The following MTHFD1L variants were observed in gnomAD, a reference collection of about 807,000 sequenced individuals.
MTHFD1L encodes monofunctional C1-tetrahydrofolate synthase, mitochondrial.
Under a neutral mutation model 119.5 loss-of-function variants are expected in MTHFD1L, and 81 were observed. The ratio of observed to expected loss-of-function variants is 0.68; its 90% CI spans 0.57 to 0.82. The LOEUF is 0.82. Ranked by LOEUF, MTHFD1L falls within the 40% of genes least tolerant of loss-of-function variation. The pLI, the probability that MTHFD1L is intolerant of heterozygous loss-of-function variation, is 0.00. For synonymous variants in MTHFD1L, 430 were observed against 475.2 expected, an observed-to-expected ratio of 0.90 and a Z score of 1.24; for missense variants, 1,125 against 1,253.4, an observed-to-expected ratio of 0.90 and a Z score of 1.55.
intron 12 of MTHFD1L, among the ~76,000 whole-genome samples, chr6:150,937,222 C>G (rs1302108599): frequency 1.3e-5 from 2 of 152,142 alleles, no homozygotes; most frequent in Non-Finnish European, 2.9e-5. Context: ...TTCATCAGGG[C>G]CTTCTTTGCC....
At chr6:150,896,414 G>A (rs1784222656) in intron 7 of MTHFD1L, among the ~76,000 whole-genome samples, 1 of 152,154 alleles carries the variant, frequency 6.6e-6, no homozygotes, top group African/African-American at 2.4e-5. Context: ...GGCAGGGATG[G>A]ACACACAAGA....
At chr6:150,944,697 G>A (rs2128957663) in intron 14 of MTHFD1L, 104 bp downstream of exon 14, 1 of 791,202 alleles carries the variant, frequency 1.3e-6, no homozygotes, top group East Asian at 2.7e-5. Context: ...ACTCTGAAAT[G>A]TTATTCAATT....
At chr6:151,048,762 T>C (rs1788506611) in intron 26 of MTHFD1L, among the ~76,000 whole-genome samples, 3 of 152,236 alleles carry the variant, frequency 2.0e-5, no homozygotes, top group South Asian at 2.1e-4. Flanking sequence ...TGCTTAGATA[T>C]GGACCTACGG....
rs1287410355 is a variant in MTHFD1L, at chr6:150,865,994, C to G, written c.172C>G (p.Arg58Gly). ...GQRRPQDGQA[R>G]SSCSPGGRTP... ...GCGGCGGCCGCAGGATGGCCAGGCC[C>G]GGAGCAGCTGCAGCCCCGGCGGCCG... The change falls in exon 1 of 28, where the codon CGG (arginine) becomes GGG (glycine). Residue 58 changes from arginine (R) to glycine (G), a missense_variant. Coordinates refer to ENST00000367321, the MANE Select transcript of MTHFD1L (RefSeq NM_015440.5). The G allele has an allele frequency of 4.5e-6, 6 of 1,347,452 alleles. No individual in the cohort carries two copies. In the East Asian group the frequency reaches 9.4e-5, roughly 21 times the overall value. 83.5% of individuals were successfully genotyped at this position (1,347,452 alleles called of 1,614,324 possible).
At chr6:151,002,941 G>A (rs931666815) in intron 20 of MTHFD1L, among the ~76,000 whole-genome samples, 2 of 152,168 alleles carry the variant, frequency 1.3e-5, no homozygotes, top group Non-Finnish European at 2.9e-5. Flanking sequence ...ATATTTAGCA[G>A]CATCCTTGCT....
At chr6:150,902,340 A>G (rs921865915) in intron 7 of MTHFD1L, among the ~76,000 whole-genome samples, 3 of 152,188 alleles carry the variant, frequency 2.0e-5, no homozygotes, top group African/African-American at 4.8e-5. Context: ...GTTGTTTAAA[A>G]TTCACTTGTC....
chr6:150,945,358 C>A, intron 14 of MTHFD1L, 109 bp from the exon 15 acceptor site: 1 of 802,344 alleles, frequency 1.2e-6, no homozygotes, highest in Non-Finnish European at 2.0e-6. Context: ...GGTCTTTTAT[C>A]TAAATAGTTC....
intron 7 of MTHFD1L, among the ~76,000 whole-genome samples, chr6:150,889,388 A>G (rs766223888): frequency 6.6e-5 from 10 of 152,212 alleles, no homozygotes; most frequent in African/African-American, 9.6e-5. Context: ...ATAGCTTAAG[A>G]GACCCCAAAA....
intron 24 of MTHFD1L, among the ~76,000 whole-genome samples, chr6:151,027,752 A>G (rs966736836): frequency 1.3e-5 from 2 of 152,080 alleles, no homozygotes; most frequent in Non-Finnish European, 1.5e-5. Context: ...GGACCTTATC[A>G]GGGCAGATTT....
At chr6:151,028,580 A>G (rs60662214) in intron 24 of MTHFD1L, among the ~76,000 whole-genome samples, 10,076 of 152,096 alleles carry the variant, frequency 0.066, 589 homozygotes, top group African/African-American at 0.15. Flanking sequence ...GCTTGATTCC[A>G]CTTGTAGGGG....
At chr6:150,866,369 G>T (rs1196524447) in intron 1 of MTHFD1L, 9 of 1,410,106 alleles carry the variant, frequency 6.4e-6, no homozygotes, top group Non-Finnish European at 8.3e-6. Context: ...ATGCAATCGC[G>T]CCGGGCGCGA....
At chr6:151,077,063 A>G (rs1298014591) in intron 26 of MTHFD1L, among the ~76,000 whole-genome samples, 1 of 152,168 alleles carries the variant, frequency 6.6e-6, no homozygotes, top group African/African-American at 2.4e-5. Flanking sequence ...AGTCCAGGAG[A>G]CCTAACATCT....
chr6:150,962,400 C>T (rs1796577008), intron 18 of MTHFD1L, among the ~76,000 whole-genome samples: 1 of 152,130 alleles, frequency 6.6e-6, no homozygotes, highest in Admixed American at 6.5e-5. Context: ...TTTTAATAAA[C>T]TCTTTTTAGT....
intron 20 of MTHFD1L, among the ~76,000 whole-genome samples, chr6:151,005,669 G>A (rs1042347202): frequency 1.3e-5 from 2 of 152,164 alleles, no homozygotes; most frequent in Non-Finnish European, 2.9e-5. Flanking sequence ...AGCTACTCGG[G>A]AGACTGAGGT....
intron 6 of MTHFD1L, among the ~76,000 whole-genome samples, chr6:150,887,028 G>A (rs1450799411): frequency 2.0e-5 from 3 of 148,846 alleles, no homozygotes; most frequent in South Asian, 2.1e-4. Context: ...AAAATTCAAC[G>A]AACTAAATCT....
At chr6:150,966,521 A>G (rs1005037760) in intron 19 of MTHFD1L, among the ~76,000 whole-genome samples, 17 of 152,108 alleles carry the variant, frequency 1.1e-4, no homozygotes, top group African/African-American at 4.1e-4. Context: ...CAGAACCAAT[A>G]TGACAGAAAT....
chr6:150,930,173 G>A (rs1790786185), intron 11 of MTHFD1L, among the ~76,000 whole-genome samples: 1 of 152,166 alleles, frequency 6.6e-6, no homozygotes, highest in South Asian at 2.1e-4. Flanking sequence ...GGAGACTGTG[G>A]GTGGATCACT....
chr6:151,029,682 G>A (rs1562563995), intron 24 of MTHFD1L, among the ~76,000 whole-genome samples: 1 of 152,116 alleles, frequency 6.6e-6, no homozygotes, highest in Admixed American at 6.5e-5. Flanking sequence ...TGTAATCCCA[G>A]CTACTTGGGA....
At position 150,884,807 on chromosome 6, in the gene MTHFD1L, C is replaced by G. The variant is rs555092304; in HGVS notation, c.543-827C>G. ...AGAACCCTTCAGAAGTGTGTGGTCA[C>G]TCATTTTTTCCACTGCCCCCCACCC... On this transcript the variant is annotated intron_variant, in intron 5 of 27. Transcript: ENST00000367321. Among the ~76,000 whole-genome samples, 6 of 152,252 alleles carry G rather than the reference C, an allele frequency of 3.9e-5. No homozygotes were observed. In the East Asian group the frequency reaches 9.6e-4, roughly 24 times the overall value.
Sources: gnomAD v4.1 joint callset for allele counts (sites outside exome capture counted in the v4.1 genomes callset) on GRCh38, gnomAD v4.1.1 for gene constraint, MANE v1.5 for transcripts, NCBI Gene and HGNC (gene_info 2026-07-23, HGNC 2026-07-21) for gene names.